The following HPSE2 variants were observed in gnomAD, a reference collection of about 807,000 sequenced individuals.
HPSE2 encodes heparanase 2 (inactive), also known as inactive heparanase-2.
HPSE2 carries 38 observed loss-of-function variants against 60.5 expected under a neutral mutation model. The observed-to-expected ratio is 0.63, with a 90% CI of 0.48 to 0.82. The LOEUF (loss-of-function observed/expected upper bound fraction) is 0.82, where lower values mean the gene tolerates loss of function less well. Ranked by LOEUF, HPSE2 falls within the 40% of genes least tolerant of loss-of-function variation. The pLI is 0.00. For missense variants in HPSE2, 713 were observed against 740.4 expected (o/e 0.96, Z 0.43); for synonymous variants, 295 against 293.2 (o/e 1.01, Z -0.06).
chr10:98,548,201 A>G (rs1041104279), intron 9 of HPSE2, among the ~76,000 whole-genome samples: 4 of 152,234 alleles, frequency 2.6e-5, no homozygotes, highest in African/African-American at 9.6e-5. Flanking sequence ...AATAGCTCTT[A>G]TAAAACTTTG....
intron 9 of HPSE2, among the ~76,000 whole-genome samples, chr10:98,523,931 T>C (rs1362881665): frequency 1.3e-5 from 2 of 152,184 alleles, no homozygotes; most frequent in Admixed American, 1.3e-4. Flanking sequence ...TTAACAGAAA[T>C]TGGACCAGAA....
chr10:99,012,421 T>C (rs1957039203), intron 3 of HPSE2, among the ~76,000 whole-genome samples: 1 of 152,088 alleles, frequency 6.6e-6, no homozygotes, highest in Admixed American at 6.5e-5. Context: ...TATCATGCTT[T>C]TTCCTTTTCC....
At chr10:98,612,261 G>A (rs1408300866) in intron 9 of HPSE2, among the ~76,000 whole-genome samples, 2 of 152,194 alleles carry the variant, frequency 1.3e-5, no homozygotes, top group African/African-American at 2.4e-5. Flanking sequence ...AAGAAACAGT[G>A]TAGTCCAGTG....
intron 9 of HPSE2, among the ~76,000 whole-genome samples, chr10:98,545,517 G>C (rs1294340357): frequency 6.6e-6 from 1 of 152,110 alleles, no homozygotes; most frequent in Non-Finnish European, 1.5e-5. Context: ...AATCAATAAA[G>C]GTAATCCAGC....
chr10:98,986,099 C>T (rs11528134), intron 3 of HPSE2, among the ~76,000 whole-genome samples: 14,474 of 152,120 alleles, frequency 0.095, 829 homozygotes, highest in South Asian at 0.21. Context: ...AGAAAGTTAA[C>T]AAGAATATCC....
At chr10:98,956,813 G>C (rs1295128812) in intron 3 of HPSE2, among the ~76,000 whole-genome samples, 1 of 152,256 alleles carries the variant, frequency 6.6e-6, no homozygotes, top group African/African-American at 2.4e-5. Context: ...AGAAAGGAAG[G>C]CCTCTCTGAG....
At chr10:98,967,460 C>A (rs751194617) in intron 3 of HPSE2, among the ~76,000 whole-genome samples, 3 of 152,140 alleles carry the variant, frequency 2.0e-5, no homozygotes, top group Non-Finnish European at 2.9e-5. Context: ...TTTGTCTCAG[C>A]ACAAATATAA....
intron 9 of HPSE2, among the ~76,000 whole-genome samples, chr10:98,509,328 CA>C (rs1293920095): frequency 6.6e-6 from 1 of 151,350 alleles, no homozygotes; most frequent in Non-Finnish European, 1.5e-5. Flanking sequence ...AACAACAAAA[CA>C]AAAACAGAAG....
chr10:99,069,840 A>G (rs1842730821), intron 3 of HPSE2, among the ~76,000 whole-genome samples: 1 of 152,078 alleles, frequency 6.6e-6, no homozygotes, highest in African/African-American at 2.4e-5. Flanking sequence ...GCAGCTTCTC[A>G]TATGGTAACA....
In HPSE2 at chr10:99,144,247, T is replaced by C. The variant is rs775097817; in HGVS notation, c.601A>G (p.Ile201Val). Reference protein sequence around the residue: ...EQFSNTYSNLILTARSLDKLY... With the variant: ...EQFSNTYSNLVLTARSLDKLY... ...ACTCCAATAGCCTTACCTGTTAATA[T>C]GAGATTACTGTAAGTATTGGAGAAT... The change falls in exon 3 of 12, where the codon ATA becomes GTA. Residue 201 changes from isoleucine to valine, a missense_variant. Coordinates refer to ENST00000370552, the MANE Select transcript of HPSE2 (RefSeq NM_021828.5). The C allele has an allele frequency of 3.7e-6, 6 of 1,613,266 alleles. No homozygotes were observed. In the South Asian group the frequency reaches 4.4e-5, roughly 12 times the overall value.
intron 3 of HPSE2, among the ~76,000 whole-genome samples, chr10:98,987,875 G>C (rs11527898): frequency 0.13 from 19,307 of 151,760 alleles, 1,325 homozygotes; most frequent in South Asian, 0.21. Context: ...GCCAAATCAT[G>C]AGTGAACTCC....
chr10:98,754,769 C>T (rs1949839177), intron 3 of HPSE2, among the ~76,000 whole-genome samples: 1 of 149,078 alleles, frequency 6.7e-6, no homozygotes, highest in Admixed American at 6.6e-5. Flanking sequence ...CTACAGGTGC[C>T]CAATCCAGCC....
intron 9 of HPSE2, among the ~76,000 whole-genome samples, chr10:98,568,116 A>G (rs955802980): frequency 2.0e-5 from 3 of 152,220 alleles, no homozygotes; most frequent in African/African-American, 7.2e-5. Flanking sequence ...CAGACTTTCT[A>G]CTGTGCCCTG....
the HPSE2 span, among the ~76,000 whole-genome samples, chr10:99,254,818 A>C: frequency 3.9e-5 from 6 of 152,224 alleles, no homozygotes; most frequent in Admixed American, 1.3e-4. Flanking sequence ...CAGTCACAAA[A>C]GACCACATAA....
At chr10:98,592,205 C>T (rs1945109894) in intron 9 of HPSE2, among the ~76,000 whole-genome samples, 1 of 152,154 alleles carries the variant, frequency 6.6e-6, no homozygotes, top group African/African-American at 2.4e-5. Context: ...CTTTTCTACA[C>T]CAGGTAAATC....
the HPSE2 span, among the ~76,000 whole-genome samples, chr10:99,257,731 CT>C: frequency 4.0e-4 from 61 of 152,294 alleles, no homozygotes; most frequent in Non-Finnish European, 6.3e-4. Context: ...TATGTGATCT[CT>C]GTGACCCACA....
At chr10:99,249,252 G>C in the HPSE2 span, among the ~76,000 whole-genome samples, 1 of 152,222 alleles carries the variant, frequency 6.6e-6, no homozygotes, top group East Asian at 1.9e-4. Flanking sequence ...GACCAGCCAT[G>C]GGAGCTGAGC....
intron 3 of HPSE2, among the ~76,000 whole-genome samples, chr10:98,765,683 C>T (rs536976684): frequency 1.3e-5 from 2 of 151,866 alleles, no homozygotes; most frequent in South Asian, 4.2e-4. Flanking sequence ...ACTAAAAATA[C>T]AAAAATTAGC....
At chr10:99,307,534 A>T in the HPSE2 span, among the ~76,000 whole-genome samples, 2 of 152,192 alleles carry the variant, frequency 1.3e-5, no homozygotes, top group African/African-American at 4.8e-5. Context: ...CATATGGCTC[A>T]ACAACACCCT....
Sources: gnomAD v4.1 joint callset for allele counts (sites outside exome capture counted in the v4.1 genomes callset) on GRCh38, gnomAD v4.1.1 for gene constraint, MANE v1.5 for transcripts, NCBI Gene and HGNC (gene_info 2026-07-23, HGNC 2026-07-21) for gene names.